The following RAB38 variants were observed in gnomAD, a reference collection of about 807,000 sequenced individuals.
RAB38 encodes RAB38, member RAS oncogene family.
A neutral mutation model predicts 18.4 loss-of-function variants in RAB38; 15 were observed. That is an observed-to-expected ratio of 0.82 (90% CI 0.55 to 1.26). The LOEUF (loss-of-function observed/expected upper bound fraction) is 1.26, where lower values mean the gene tolerates loss of function less well. Among genes scored for constraint, RAB38 ranks in the 50% most tolerant of loss-of-function variants. The pLI, the probability that RAB38 is intolerant of heterozygous loss-of-function variation, is 0.00. For synonymous variants in RAB38, 101 were observed against 104.4 expected, an observed-to-expected ratio of 0.97 and a Z score of 0.20; for missense variants, 294 against 267.4, an observed-to-expected ratio of 1.10 and a Z score of -0.69.
At chr11:88,056,573 G>A in the RAB38 span, among the ~76,000 whole-genome samples, 1 of 152,116 alleles carries the variant, frequency 6.6e-6, no homozygotes. Flanking sequence ...GGGAGGCTGA[G>A]GCGGGCAGAT....
At chr11:88,114,628 G>A (rs1265222299) in intron 2 of RAB38, among the ~76,000 whole-genome samples, 3 of 152,206 alleles carry the variant, frequency 2.0e-5, no homozygotes, top group African/African-American at 7.2e-5. Context: ...AGAGTACACT[G>A]TTCTGACCTC....
intron 2 of RAB38, among the ~76,000 whole-genome samples, chr11:88,146,918 G>A (rs1453599150): frequency 2.0e-5 from 3 of 152,210 alleles, no homozygotes; most frequent in African/African-American, 7.2e-5. Flanking sequence ...CACACTTAGA[G>A]GGATTTGGAG....
the RAB38 span, among the ~76,000 whole-genome samples, chr11:88,065,818 T>C: frequency 1.1e-3 from 161 of 152,330 alleles, 2 homozygotes; most frequent in Non-Finnish European, 1.4e-3. Flanking sequence ...TCTCAGTTTA[T>C]GTTCATCATG....
chr11:87,955,162 CACACACTCTTCCACATTGGT>C, the RAB38 span, among the ~76,000 whole-genome samples: 1 of 152,118 alleles, frequency 6.6e-6, no homozygotes, highest in Non-Finnish European at 1.5e-5. Context: ...GCCACATTGG[CACACACTCTTCCACATTGGT>C]GCACTCTTCC....
chr11:87,816,332 G>A, the RAB38 span: 1 of 152,444 alleles, frequency 6.6e-6, no homozygotes, highest in Non-Finnish European at 1.5e-5. Flanking sequence ...GGTGCTGTGG[G>A]TTGTGGTATT....
intron 2 of RAB38, among the ~76,000 whole-genome samples, chr11:88,142,601 G>C (rs1344411635): frequency 6.6e-6 from 1 of 152,130 alleles, no homozygotes; most frequent in Non-Finnish European, 1.5e-5. Flanking sequence ...ATTTGTTGGG[G>C]GCAGAGTATC....
chr11:88,072,946 G>C, the RAB38 span, among the ~76,000 whole-genome samples: 3 of 152,090 alleles, frequency 2.0e-5, no homozygotes, highest in African/African-American at 7.2e-5. Context: ...ACAATTCCTG[G>C]GACCATAAAA....
chr11:88,168,330 G>A (rs753842541), intron 1 of RAB38, among the ~76,000 whole-genome samples: 5 of 151,844 alleles, frequency 3.3e-5, no homozygotes, highest in South Asian at 2.1e-4. Context: ...TTTGTCTGCC[G>A]CATCCCTCTT....
At chr11:87,939,121 A>G in the RAB38 span, among the ~76,000 whole-genome samples, 1 of 152,210 alleles carries the variant, frequency 6.6e-6, no homozygotes, top group East Asian at 1.9e-4. Context: ...CTAGCTTAAA[A>G]TGTATTTCTT....
At chr11:88,043,919 C>A in the RAB38 span, among the ~76,000 whole-genome samples, 2 of 152,198 alleles carry the variant, frequency 1.3e-5, no homozygotes, top group East Asian at 3.8e-4. Flanking sequence ...GACTAACCAG[C>A]CCAAGGAACA....
At chr11:88,061,774 C>A in the RAB38 span, 1 of 152,158 alleles carries the variant, frequency 6.6e-6, no homozygotes, top group Admixed American at 6.5e-5. Context: ...ACCTGCCAAT[C>A]CACTCCTCTG....
chr11:88,084,507 A>C, the RAB38 span, among the ~76,000 whole-genome samples: 2 of 151,832 alleles, frequency 1.3e-5, no homozygotes, highest in Non-Finnish European at 2.9e-5. Flanking sequence ...ATCAGAAAAT[A>C]AGGAGTAGGA....
chr11:88,056,832 A>AATACATACATAC, the RAB38 span, among the ~76,000 whole-genome samples: 23 of 45,558 alleles, frequency 5.0e-4, no homozygotes, highest in African/African-American at 9.9e-4. Context: ...TAAATAAATA[A>AATACATACATAC]ATACATACAT....
the RAB38 span, among the ~76,000 whole-genome samples, chr11:87,853,560 C>G: frequency 6.6e-6 from 1 of 152,128 alleles, no homozygotes; most frequent in African/African-American, 2.4e-5. Context: ...TGGGACAGCC[C>G]AAGCTGACAA....
At chr11:88,104,276 T>G in the RAB38 span, among the ~76,000 whole-genome samples, 4 of 149,826 alleles carry the variant, frequency 2.7e-5, no homozygotes, top group East Asian at 7.9e-4. Context: ...CTTTTACTAG[T>G]TATTTTCTTA....
At chr11:87,813,553 A>G in the RAB38 span, among the ~76,000 whole-genome samples, 11 of 151,488 alleles carry the variant, frequency 7.3e-5, no homozygotes, top group East Asian at 1.9e-3. Flanking sequence ...CAGATGTTTT[A>G]TGCTGTTGCT....
intron 1 of RAB38, among the ~76,000 whole-genome samples, chr11:88,153,229 C>G (rs939005131): frequency 3.3e-5 from 5 of 152,154 alleles, no homozygotes; most frequent in Admixed American, 3.3e-4. Flanking sequence ...CTTGGTGTGG[C>G]TGATCTCAAA....
the RAB38 span, among the ~76,000 whole-genome samples, chr11:87,843,446 C>T: frequency 6.6e-6 from 1 of 152,170 alleles, no homozygotes; most frequent in African/African-American, 2.4e-5. Context: ...GCAGAGTTAC[C>T]TATAAATTAC....
the RAB38 span, among the ~76,000 whole-genome samples, chr11:87,864,810 G>A: frequency 6.6e-6 from 1 of 151,734 alleles, no homozygotes; most frequent in Non-Finnish European, 1.5e-5. Context: ...TTGTTAGATG[G>A]TGGTAAGAGA....
Sources: allele counts gnomAD v4.1 joint callset (sites outside exome capture counted in the v4.1 genomes callset), GRCh38; gene constraint gnomAD v4.1.1; transcripts MANE v1.5; gene names NCBI Gene and HGNC (gene_info 2026-07-23, HGNC 2026-07-21).